ATP10D: variants seen among roughly 807,000 people sequenced by gnomAD.
ATP10D encodes the protein ATPase phospholipid transporting 10D (putative), also known as phospholipid-transporting ATPase VD.
A neutral mutation model predicts 144.8 loss-of-function variants in ATP10D; 89 were observed. The observed-to-expected ratio is 0.61, with a 90% CI of 0.52 to 0.73. ATP10D has a LOEUF of 0.73. Among genes scored for constraint, ATP10D ranks in the 30% least tolerant of loss-of-function variants. The pLI, the probability that ATP10D is intolerant of heterozygous loss-of-function variation, is 0.00. For missense variants in ATP10D, 1,603 were observed against 1,714.8 expected (o/e 0.93, Z 1.15); for synonymous variants, 571 against 615.1 (o/e 0.93, Z 1.06).
At chr4:47,552,398 A>C (rs967942964) in intron 10 of ATP10D, among the ~76,000 whole-genome samples, 5 of 152,204 alleles carry the variant, frequency 3.3e-5, no homozygotes, top group Admixed American at 6.5e-5. Context: ...GTCCAAGTTC[A>C]AGGAGCCAGC....
chr4:47,568,702 C>A, intron 15 of ATP10D, 135 bp from the exon 16 acceptor site: 4 of 775,826 alleles, frequency 5.2e-6, no homozygotes, highest in South Asian at 1.9e-5. Flanking sequence ...CTCGTAAAAT[C>A]TTTGAAAATA....
chr4:47,485,815 GC>G, intron 1 of ATP10D, among the ~76,000 whole-genome samples: 1 of 4,806 alleles, frequency 2.1e-4, no homozygotes, highest in South Asian at 5.7e-3. Flanking sequence ...GCGCACACGG[GC>G]ACGTACATAC....
Position 47,576,962 on chromosome 4 carries a change from C to A in ATP10D, c.3556C>A (p.Gln1186Lys). ...ACTGCCTGAACTTTACAGAAGTGGTCAGAAATCAGAGGTAGGTGTTAAAGC... is the reference window on the plus strand; with the variant it reads ...ACTGCCTGAACTTTACAGAAGTGGTAAGAAATCAGAGGTAGGTGTTAAAGC... The part of the protein sequence containing the change: ...MQLPELYRSG[Q>K]KSEAYLPHTF... The change falls in exon 19 of 23, where the codon CAG becomes AAG. Residue 1186 changes from glutamine to lysine, a missense_variant. Physicochemically the swap from Gln to Lys is moderately conservative, Grantham distance 53. Transcript: ENST00000273859. 6.2e-7 allele frequency: 1 copy of A among 1,614,088 alleles called. No individual in the cohort carries two copies. Among genetic ancestry groups the A allele is most frequent in the South Asian group, 1.1e-5 (1 of 91,056 alleles).
At chr4:47,485,990 T>G (rs1032133209) in intron 1 of ATP10D, among the ~76,000 whole-genome samples, 1 of 152,180 alleles carries the variant, frequency 6.6e-6, no homozygotes, top group African/African-American at 2.4e-5. Context: ...GTTGAAGATT[T>G]AGCCCAGCAG....
At chr4:47,495,203 A>G (rs1715287298) in intron 1 of ATP10D, among the ~76,000 whole-genome samples, 1 of 152,180 alleles carries the variant, frequency 6.6e-6, no homozygotes, top group South Asian at 2.1e-4. Flanking sequence ...TTCTGGTTTA[A>G]TATTGAGTAT....
chr4:47,560,897 C>T, intron 13 of ATP10D, 52 bp from the exon 14 acceptor site: 2 of 1,608,436 alleles, frequency 1.2e-6, no homozygotes, highest in South Asian at 1.1e-5. Flanking sequence ...TCCTGGTATT[C>T]CCACAAGATC....
In ATP10D at chr4:47,535,566, A is replaced by T; in HGVS notation, c.834A>T (p.Gly278=). The change falls in exon 6 of 23, where the codon GGA becomes GGT. Residue 278 remains glycine, a synonymous_variant. Transcript: ENST00000273859. The stretch of plus-strand genomic sequence containing the variant: ...GTAAAGAAAATTTGTTGCTTAGAGG[A>T]TGCACCATTAGAAACACAGAGGCTG... ...GLSKENLLLR[G]CTIRNTEAVV... is the part of the protein sequence containing the mutation. The T allele has an allele frequency of 1.2e-6, 2 of 1,613,188 alleles. No individual in the cohort carries two copies. The highest frequency in any genetic ancestry group is 1.7e-6 in the Non-Finnish European group (2 of 1,179,486).
At chr4:47,530,569 C>G (rs1203643322) in intron 5 of ATP10D, among the ~76,000 whole-genome samples, 1 of 152,098 alleles carries the variant, frequency 6.6e-6, no homozygotes, top group Non-Finnish European at 1.5e-5. Context: ...AACTGTTGTG[C>G]CTCAGCCTCC....
chr4:47,541,879 C>T (rs1296722102), intron 9 of ATP10D, among the ~76,000 whole-genome samples: 1 of 152,070 alleles, frequency 6.6e-6, no homozygotes, highest in Non-Finnish European at 1.5e-5. Flanking sequence ...GTACCTATCT[C>T]AATATCTACC....
At chr4:47,499,331 A>G (rs555506027) in intron 1 of ATP10D, among the ~76,000 whole-genome samples, 27 of 152,328 alleles carry the variant, frequency 1.8e-4, no homozygotes, top group African/African-American at 6.0e-4. Context: ...TTTTCTAACA[A>G]ATATAAGGAA....
At chr4:47,530,879 A>G (rs1053581078) in intron 5 of ATP10D, among the ~76,000 whole-genome samples, 1 of 152,096 alleles carries the variant, frequency 6.6e-6, no homozygotes, top group Non-Finnish European at 1.5e-5. Context: ...TTGATGTGCT[A>G]TTGGCTTTGG....
chr4:47,522,995 C>A lies in ATP10D; in HGVS notation c.486-17C>A, dbSNP rs1393042493. The A allele has an allele frequency of 4.0e-6, 6 of 1,492,386 alleles. No individual in the cohort carries two copies. The highest frequency in any genetic ancestry group is 1.3e-5 in the South Asian group (1 of 77,788). The allele number at this position is 1,492,386 out of a possible 1,614,324, so 92.4% of individuals were successfully genotyped here. A position where few individuals can be genotyped will look rare whatever the true frequency, so the allele number is the denominator to read the frequency against. On this transcript the variant is annotated splice_polypyrimidine_tract_variant and intron_variant, in intron 3 of 22. Coordinates refer to ENST00000273859, the MANE Select transcript of ATP10D (RefSeq NM_020453.4). ...ACTTGATATTCTTTTTTTTTTTTAA[C>A]TTTTTTTTAATTACAGGAAAGAGAA...
Position 47,546,725 on chromosome 4 carries a change from A to C in ATP10D, c.1498A>C (p.Ser500Arg), listed in dbSNP as rs1300826153. 6.2e-7 allele frequency: 1 copy of C among 1,614,160 alleles called. No homozygotes were observed. The highest frequency in any genetic ancestry group is 8.5e-7 in the Non-Finnish European group (1 of 1,180,000). The change falls in exon 10 of 23, where the codon AGC becomes CGC. Residue 500 changes from serine (S) to arginine (R), a missense_variant. Ser to Arg is a moderately radical substitution (Grantham distance 110). Coordinates refer to ENST00000273859, the MANE Select transcript of ATP10D (RefSeq NM_020453.4). ...CAATATGGCAAAACCGAGAGCCCCCAGCTGCAGGACAGTTCATAATGGGCC... is the reference window on the plus strand; with the variant it reads ...CAATATGGCAAAACCGAGAGCCCCCCGCTGCAGGACAGTTCATAATGGGCC... The part of the protein sequence containing the change: ...LSNMAKPRAP[S>R]CRTVHNGPLG...
intron 9 of ATP10D, among the ~76,000 whole-genome samples, chr4:47,539,814 T>A (rs1718040060): frequency 6.6e-6 from 1 of 152,218 alleles, no homozygotes; most frequent in South Asian, 2.1e-4. Flanking sequence ...ACACAAAATT[T>A]TGTGTTCATA....
chr4:47,572,777 G>T, intron 17 of ATP10D, 95 bp from the exon 18 acceptor site: 1 of 1,490,204 alleles, frequency 6.7e-7, no homozygotes, highest in African/African-American at 1.4e-5. Flanking sequence ...GAAGAAGGTA[G>T]AATATGAGGC....
At chr4:47,492,848 A>T (rs1425197852) in intron 1 of ATP10D, among the ~76,000 whole-genome samples, 2 of 152,178 alleles carry the variant, frequency 1.3e-5, no homozygotes, top group African/African-American at 2.4e-5. Flanking sequence ...GTAATATGCT[A>T]TATTCTTTAA....
intron 18 of ATP10D, among the ~76,000 whole-genome samples, chr4:47,576,078 C>T (rs1720225511): frequency 1.3e-5 from 2 of 151,164 alleles, no homozygotes; most frequent in Non-Finnish European, 1.5e-5. Flanking sequence ...ACTACAGGCG[C>T]CCGCCACTAC....
chr4:47,559,144 C>A, intron 13 of ATP10D, 115 bp downstream of exon 13: 1 of 704,112 alleles, frequency 1.4e-6, no homozygotes, highest in Non-Finnish European at 2.4e-6. Context: ...GTCCCCTGGA[C>A]ACTGGCTCTC....
chr4:47,572,093 A>G lies in ATP10D; in HGVS notation c.3164-61A>G, dbSNP rs992242428. The G allele has an allele frequency of 6.7e-6, 10 of 1,486,604 alleles. No individual in the cohort carries two copies. In the Admixed American group the frequency reaches 1.2e-4, roughly 17 times the overall value. The allele number at this position is 1,486,604 out of a possible 1,614,324, so 92.1% of individuals were successfully genotyped here. On this transcript the variant is annotated intron_variant, in intron 16 of 22. Coordinates refer to ENST00000273859, the MANE Select transcript of ATP10D (RefSeq NM_020453.4). Reference sequence around the variant, plus strand: ...ACTTGAGCTGCCCCTATTGATTTGCAACATTTACACCCTTTCTTTACTCCT... The same window carrying G: ...ACTTGAGCTGCCCCTATTGATTTGCGACATTTACACCCTTTCTTTACTCCT...
Sources: gnomAD v4.1 joint callset for allele counts (sites outside exome capture counted in the v4.1 genomes callset) on GRCh38, gnomAD v4.1.1 for gene constraint, MANE v1.5 for transcripts, NCBI Gene and HGNC (gene_info 2026-07-23, HGNC 2026-07-21) for gene names.